The following PBX3 variants were observed in gnomAD, a reference collection of about 807,000 sequenced individuals.
The protein encoded by PBX3 is PBX homeobox 3.
Under a neutral mutation model 48.5 loss-of-function variants are expected in PBX3, and 14 were observed. The observed-to-expected ratio is 0.29, with a 90% CI of 0.19 to 0.45. The LOEUF is 0.45. Among genes scored for constraint, PBX3 ranks in the 20% least tolerant of loss-of-function variants. The pLI is 1.00. For missense variants in PBX3, 386 were observed against 546.7 expected (o/e 0.71, Z 2.93); for synonymous variants, 210 against 200.3 (o/e 1.05, Z -0.41).
At chr9:125,937,733 G>C (rs182189258) in intron 5 of PBX3, among the ~76,000 whole-genome samples, 2 of 152,164 alleles carry the variant, frequency 1.3e-5, no homozygotes, top group African/African-American at 4.8e-5. Context: ...TGTTATCACA[G>C]CTCACTGTAA....
In PBX3 at chr9:125,965,872, G is replaced by A. The variant is rs111373780; in HGVS notation, c.1254G>A (p.Val418=). The A allele has an allele frequency of 1.2e-6, 2 of 1,614,114 alleles. No homozygotes were observed. Among genetic ancestry groups the A allele is most frequent in the South Asian group, 2.2e-5 (2 of 91,064 alleles). Residue 418 remains valine, a synonymous_variant, in exon 9 of 9, where the codon GTG becomes GTA. Transcript: ENST00000373489. ...AGGACGCAACAACTCCATCTTCTGT[G>A]ACTTCTCCTACAGAAGGCCCAGGAA... The part of the protein sequence containing the change: ...GWQDATTPSS[V]TSPTEGPGSV...
intron 5 of PBX3, among the ~76,000 whole-genome samples, chr9:125,951,279 G>A (rs565783825): frequency 2.6e-5 from 4 of 152,268 alleles, no homozygotes; most frequent in Non-Finnish European, 4.4e-5. Flanking sequence ...AGGTAGTGCC[G>A]TCAGGTACTT....
intron 2 of PBX3, among the ~76,000 whole-genome samples, chr9:125,764,022 G>A (rs1836740603): frequency 6.6e-6 from 1 of 152,130 alleles, no homozygotes. Context: ...AATAATTAGT[G>A]TAATTAGAAA....
At chr9:125,818,308 G>T (rs1838531331) in intron 2 of PBX3, among the ~76,000 whole-genome samples, 1 of 151,248 alleles carries the variant, frequency 6.6e-6, no homozygotes, top group Non-Finnish European at 1.5e-5. Context: ...GTTTGAAAAT[G>T]AGCCTTACAT....
At chr9:125,748,469 C>T in intron 1 of PBX3, 81 bp from the exon 2 acceptor site, 1 of 1,558,188 alleles carries the variant, frequency 6.4e-7, no homozygotes, top group Non-Finnish European at 8.8e-7. Flanking sequence ...GGAATTAAAT[C>T]TTGGGTCTAA....
chr9:125,900,780 A>T (rs1164774831), intron 2 of PBX3, among the ~76,000 whole-genome samples: 1 of 151,792 alleles, frequency 6.6e-6, no homozygotes, highest in African/African-American at 2.4e-5. Flanking sequence ...AATGTGCTGA[A>T]TGTGGAATTT....
chr9:125,836,048 T>C (rs1349033577), intron 2 of PBX3, among the ~76,000 whole-genome samples: 1 of 152,216 alleles, frequency 6.6e-6, no homozygotes, highest in Non-Finnish European at 1.5e-5. Context: ...AATCTTGTCA[T>C]TTGTAACAAC....
At chr9:125,842,652 C>T (rs1839319215) in intron 2 of PBX3, among the ~76,000 whole-genome samples, 1 of 152,112 alleles carries the variant, frequency 6.6e-6, no homozygotes, top group South Asian at 2.1e-4. Context: ...TAAAACAAGT[C>T]AGTATTGACC....
At chr9:125,941,981 G>A (rs1841967211) in intron 5 of PBX3, among the ~76,000 whole-genome samples, 1 of 152,170 alleles carries the variant, frequency 6.6e-6, no homozygotes, top group Non-Finnish European at 1.5e-5. Context: ...GTACTGTAAA[G>A]AAAGGATTGA....
chr9:125,832,264 C>T (rs111504670), intron 2 of PBX3, among the ~76,000 whole-genome samples: 4 of 151,278 alleles, frequency 2.6e-5, no homozygotes, highest in African/African-American at 9.7e-5. Flanking sequence ...GGCGCGATCT[C>T]GGCTGACTGC....
At chr9:125,870,929 A>G (rs1463645016) in intron 2 of PBX3, among the ~76,000 whole-genome samples, 1 of 152,238 alleles carries the variant, frequency 6.6e-6, no homozygotes, top group African/African-American at 2.4e-5. Flanking sequence ...TGGTGGGTAT[A>G]TAAATTGAAT....
At chr9:125,892,434 TA>T (rs1454620876) in intron 2 of PBX3, among the ~76,000 whole-genome samples, 1 of 152,178 alleles carries the variant, frequency 6.6e-6, no homozygotes, top group African/African-American at 2.4e-5. Context: ...ATATTTATTT[TA>T]AAAATATTTA....
intron 2 of PBX3, chr9:125,844,625 T>TTCA (rs1839379487): frequency 6.6e-6 from 1 of 151,802 alleles, no homozygotes; most frequent in Non-Finnish European, 1.5e-5. Context: ...ATGAGTGGAG[T>TTCA]TCATAAGAAT....
intron 5 of PBX3, among the ~76,000 whole-genome samples, chr9:125,938,081 G>T (rs993737176): frequency 6.6e-6 from 1 of 152,164 alleles, no homozygotes; most frequent in Admixed American, 6.5e-5. Flanking sequence ...GAAGCCCCCT[G>T]AAAACAGGCA....
intron 2 of PBX3, among the ~76,000 whole-genome samples, chr9:125,854,287 A>G (rs939533360): frequency 1.3e-5 from 2 of 151,466 alleles, no homozygotes; most frequent in Non-Finnish European, 2.9e-5. Flanking sequence ...GAACCTCACC[A>G]TGTCCAGCTG....
intron 2 of PBX3, among the ~76,000 whole-genome samples, chr9:125,837,869 C>T (rs968589547): frequency 6.6e-6 from 1 of 152,172 alleles, no homozygotes; most frequent in Non-Finnish European, 1.5e-5. Flanking sequence ...GGATTACAGG[C>T]GTGAGCCACC....
chr9:125,936,075 C>T lies in PBX3; in HGVS notation c.843+468C>T, dbSNP rs185482907. 2.1e-4 allele frequency among the ~76,000 whole-genome samples: 32 copies of T among 152,292 alleles called. No homozygotes were observed. The East Asian group carries it at 3.9e-3, about 18-fold the overall frequency. ...GTAACATACTACAATGTTTGAATCC[C>T]AAGGATTTCTTTGCTTCCTTATTAT... is the stretch of plus-strand genomic sequence containing the variant. On this transcript the variant is annotated intron_variant, in intron 5 of 8. Transcript: ENST00000373489.
intron 3 of PBX3, among the ~76,000 whole-genome samples, chr9:125,926,673 A>G (rs970902603): frequency 2.0e-5 from 3 of 149,852 alleles, no homozygotes; most frequent in Admixed American, 1.3e-4. Flanking sequence ...AAAAAAAATT[A>G]CCCGGGCATG....
At chr9:125,793,484 C>T (rs1237865890) in intron 2 of PBX3, among the ~76,000 whole-genome samples, 1 of 149,852 alleles carries the variant, frequency 6.7e-6, no homozygotes, top group Admixed American at 6.7e-5. Flanking sequence ...GGTTGGAGTG[C>T]AGTGGCACGA....
Sources: gnomAD v4.1 joint callset for allele counts (sites outside exome capture counted in the v4.1 genomes callset) on GRCh38, gnomAD v4.1.1 for gene constraint, MANE v1.5 for transcripts, NCBI Gene and HGNC (gene_info 2026-07-23, HGNC 2026-07-21) for gene names.